Variants in PLXNB2 observed in about 807,000 individuals in gnomAD.
PLXNB2 encodes plexin B2, also known as plexin-B2.
PLXNB2 carries 85 observed loss-of-function variants against 202.6 expected under a neutral mutation model. That is an observed-to-expected ratio of 0.42 (90% CI 0.35 to 0.50). The LOEUF is 0.50. Ranked by LOEUF, PLXNB2 falls within the 20% of genes least tolerant of loss-of-function variation. The pLI is 0.02. For synonymous variants in PLXNB2, 1,239 were observed against 1,137.6 expected (o/e 1.09, Z -1.79); for missense variants, 2,063 against 2,586.2 (o/e 0.80, Z 4.39).
At position 50,278,892 on chromosome 22, in the gene PLXNB2, G is replaced by A. The variant is rs766427094; in HGVS notation, c.4509C>T (p.Pro1503=). The change falls in exon 28 of 37, where the codon CCC becomes CCT. Residue 1503 remains proline, a synonymous_variant. Transcript: ENST00000359337. ...TGTCTGGCCTGGGCCAGCAGGAGCAGGGCTGCCCACGGTACACCTGGTCAA... is the reference window on the plus strand; with the variant it reads ...TGTCTGGCCTGGGCCAGCAGGAGCAAGGCTGCCCACGGTACACCTGGTCAA... ...KIIDQVYRGQ[P]CSCWPRPDSV... The A allele has an allele frequency of 9.3e-6, 15 of 1,613,278 alleles. No individual in the cohort carries two copies. The South Asian group carries it at 1.6e-4, about 18-fold the overall frequency.
chr22:50,279,824 TG>T, intron 26 of PLXNB2, 48 bp from the exon 27 acceptor site: 1 of 1,604,806 alleles, frequency 6.2e-7, no homozygotes, highest in Non-Finnish European at 8.5e-7. Flanking sequence ...ACTTGGGGCC[TG>T]GAAGGGGCCC....
Position 50,281,120 on chromosome 22 carries a change from G to A in PLXNB2, c.3732C>T (p.Ser1244=), listed in dbSNP as rs371442106. 4.9e-5 allele frequency: 79 copies of A among 1,613,186 alleles called. No homozygotes were observed. The highest frequency in any genetic ancestry group is 3.8e-4 in the South Asian group (35 of 91,080). The change falls in exon 23 of 37, where the codon AGC becomes AGT. Residue 1244 remains serine (S), a synonymous_variant. Coordinates refer to ENST00000359337, the MANE Select transcript of PLXNB2 (RefSeq NM_012401.4). ...ATTCCTTCTTGCAGCGGTCCCGCACGCTCTCCTCCAGGCCCTCCAGCTGGG... is the reference window on the plus strand; with the variant it reads ...ATTCCTTCTTGCAGCGGTCCCGCACACTCTCCTCCAGGCCCTCCAGCTGGG... ...IKSQLEGLEE[S]VRDRCKKEFT... is the part of the protein sequence containing the mutation.
chr22:50,283,204 G>A lies in PLXNB2; in HGVS notation c.2680-18C>T. ...TTGGGCTGCTGAAAGAGCCGCAGGGGCACTCGGGTGAGGACGGGGCACAGG... is the reference window on the plus strand; with the variant it reads ...TTGGGCTGCTGAAAGAGCCGCAGGGACACTCGGGTGAGGACGGGGCACAGG... On this transcript the variant is annotated intron_variant, in intron 16 of 36. Transcript: ENST00000359337. 4 of 1,599,350 alleles carry A rather than the reference G, an allele frequency of 2.5e-6. No homozygotes were observed. The highest frequency in any genetic ancestry group is 3.4e-6 in the Non-Finnish European group (4 of 1,173,768).
intron 1 of PLXNB2, among the ~76,000 whole-genome samples, chr22:50,306,668 C>T (rs1452527270): frequency 6.6e-6 from 1 of 151,760 alleles, no homozygotes; most frequent in Non-Finnish European, 1.5e-5. Flanking sequence ...CCGGGATCTG[C>T]CGGGTTTGGG....
At position 50,281,394 on chromosome 22, in the gene PLXNB2, C is replaced by T; in HGVS notation, c.3628G>A (p.Val1210Met). The change falls in exon 22 of 37, where the codon GTG (valine) becomes ATG (methionine). Residue 1210 changes from valine (V) to methionine (M), a missense_variant. By Grantham distance (21) the Val-to-Met change is conservative (BLOSUM62 1). This residue lies in a region of PLXNB2 where 760 missense variants were observed against 1,109.4 expected (regional missense o/e 0.69). Transcript: ENST00000359337. Reference sequence around the variant, plus strand: ...TAGACAGACACCGCGATGACGACCACCATGGGCACGATGACCAGCGGCAAG... The same window carrying T: ...TAGACAGACACCGCGATGACGACCATCATGGGCACGATGACCAGCGGCAAG... ...LILPLVIVPM[V>M]VVIAVSVYCY... 6.2e-7 allele frequency: 1 copy of T among 1,612,408 alleles called. No individual in the cohort carries two copies. Among genetic ancestry groups the T allele is most frequent in the Non-Finnish European group, 8.5e-7 (1 of 1,179,788 alleles).
rs2066266116 is a variant in PLXNB2, at chr22:50,284,414, G to C, written c.2181+159C>G. Among the ~76,000 whole-genome samples, 1 of 152,088 alleles carries C rather than the reference G, an allele frequency of 6.6e-6. No individual in the cohort carries two copies. The highest frequency in any genetic ancestry group is 2.1e-4 in the South Asian group (1 of 4,828). Reference sequence around the variant, plus strand: ...GTCCCCAGGGAGGCAGAGGGCAGAGGGGGCTTCCCCAGCAGCACAGGGCAT... The same window carrying C: ...GTCCCCAGGGAGGCAGAGGGCAGAGCGGGCTTCCCCAGCAGCACAGGGCAT... On this transcript the variant is annotated intron_variant, in intron 12 of 36. Transcript: ENST00000359337. This position sits in a 1 kb window ranked among gnomAD's most constrained non-coding sequence, Gnocchi z 8.0.
chr22:50,287,270 G>A lies in PLXNB2; in HGVS notation c.1609-6C>T. ...GGGCTGACGGTCAGCTGCACCTGAG[G>A]GAGGGGCCGTGCCGCTCACACTGGG... On this transcript the variant is annotated splice_region_variant and splice_polypyrimidine_tract_variant and intron_variant, in intron 7 of 36. Transcript: ENST00000359337. The A allele has an allele frequency of 6.7e-7, 1 of 1,498,254 alleles. No homozygotes were observed. The highest frequency in any genetic ancestry group is 8.9e-7 in the Non-Finnish European group (1 of 1,118,804). The allele number at this position is 1,498,254 out of a possible 1,614,324, so 92.8% of individuals were successfully genotyped here.
chr22:50,287,972 C>T lies in PLXNB2; in HGVS notation c.1446G>A (p.Gln482=). Reference sequence around the variant, plus strand: ...CGACGCACCAGCCGCAGTAGGGGTCCTGGGAGTCGCGGCACTGGGTGCAGG... The same window carrying T: ...CGACGCACCAGCCGCAGTAGGGGTCTTGGGAGTCGCGGCACTGGGTGCAGG... The part of the protein sequence containing the change: ...YPTCTQCRDS[Q]DPYCGWCVVE... The change falls in exon 6 of 37, where the codon CAG becomes CAA. Residue 482 remains glutamine (Q), a synonymous_variant. Coordinates refer to ENST00000359337, the MANE Select transcript of PLXNB2 (RefSeq NM_012401.4). The T allele has an allele frequency of 6.3e-7, 1 of 1,585,636 alleles. No individual in the cohort carries two copies.
intron 2 of PLXNB2, among the ~76,000 whole-genome samples, chr22:50,290,997 G>C (rs2147546367): frequency 6.6e-6 from 1 of 152,256 alleles, no homozygotes; most frequent in East Asian, 1.9e-4. Flanking sequence ...GGACGCACCG[G>C]CCCCAGCGCA....
Position 50,278,029 on chromosome 22 carries a change from T to A in PLXNB2, c.4888-16A>T, listed in dbSNP as rs1404280714. The A allele has an allele frequency of 6.9e-7, 1 of 1,443,668 alleles. No individual in the cohort carries two copies. The highest frequency in any genetic ancestry group is 1.5e-5 in the African/African-American group (1 of 68,656). 89.4% of individuals were successfully genotyped at this position (1,443,668 alleles called of 1,614,324 possible). On this transcript the variant is annotated splice_polypyrimidine_tract_variant and intron_variant, in intron 31 of 36. Coordinates refer to ENST00000359337, the MANE Select transcript of PLXNB2 (RefSeq NM_012401.4). ...GCAGTGTGCCCTGTGGGGGGGAGGG[T>A]CTCAGCGTGACGCCGTGGGCGCGGC...
rs779922453 is a variant in PLXNB2, at chr22:50,277,584, C to A, written c.5196+7G>T. ...CCCTGCCCCAGACCTGCCCCCACCCCACTCACGCGGCTCAGCTTATGCTCC... is the reference window on the plus strand; with the variant it reads ...CCCTGCCCCAGACCTGCCCCCACCCAACTCACGCGGCTCAGCTTATGCTCC... On this transcript the variant is annotated splice_region_variant and intron_variant, in intron 33 of 36. Transcript: ENST00000359337. 5.8e-6 allele frequency: 9 copies of A among 1,558,952 alleles called. No homozygotes were observed. Among genetic ancestry groups the A allele is most frequent in the African/African-American group, 4.1e-5 (3 of 73,454 alleles).
At position 50,294,790 on chromosome 22, in the gene PLXNB2, A is replaced by C. The variant is rs1050159286; in HGVS notation, c.-73-12T>G. 2 of 985,018 alleles carry C rather than the reference A, an allele frequency of 2.0e-6. No homozygotes were observed. The highest frequency in any genetic ancestry group is 5.2e-4 in the Middle Eastern group (1 of 1,924). 61.0% of individuals were successfully genotyped at this position (985,018 alleles called of 1,614,324 possible). A position where few individuals can be genotyped will look rare whatever the true frequency, so the allele number is the denominator to read the frequency against. On this transcript the variant is annotated splice_polypyrimidine_tract_variant and intron_variant, in intron 1 of 36. Coordinates refer to ENST00000359337, the MANE Select transcript of PLXNB2 (RefSeq NM_012401.4). ...AGCATCGAGATTCTCTAGGAGGCAA[A>C]GGAGAGACGCCGGTCACAAGAGGAG...
intron 7 of PLXNB2, 111 bp downstream of exon 7, chr22:50,287,556 C>T (rs886491201): frequency 8.8e-6 from 10 of 1,131,112 alleles, no homozygotes; most frequent in South Asian, 3.1e-5. Context: ...AGAGCCCAGG[C>T]GGGGGAGATG....
Position 50,289,122 on chromosome 22 carries a change from T to A in PLXNB2, c.1089A>T (p.Pro363=). ...GHAPGSSKSF[P]CGSEHLPYPL... ...GGTAGGGCAGGTGCTCCGAGCCACA[T>A]GGGAAGCTCTTGCTGGAGCCCTGCG... Residue 363 remains proline, a synonymous_variant, in exon 4 of 37, where the codon CCA becomes CCT. Transcript: ENST00000359337. This position sits in a 1 kb window ranked among gnomAD's most constrained non-coding sequence, Gnocchi z 8.0. The A allele has an allele frequency of 6.3e-7, 1 of 1,580,492 alleles. No individual in the cohort carries two copies. Among genetic ancestry groups the A allele is most frequent in the Admixed American group, 1.7e-5 (1 of 58,686 alleles).
rs2066134145 is a variant in PLXNB2 at position 50,283,043 on chromosome 22, C to T, written c.2816+7G>A. Reference sequence around the variant, plus strand: ...AACCAGACTCAGCAGCTGGCGGTGACACCCACACTTTACACGGGACGCCGT... The same window carrying T: ...AACCAGACTCAGCAGCTGGCGGTGATACCCACACTTTACACGGGACGCCGT... On this transcript the variant is annotated splice_region_variant and intron_variant, in intron 17 of 36. Transcript: ENST00000359337. 8 of 1,605,548 alleles carry T rather than the reference C, an allele frequency of 5.0e-6. No homozygotes were observed. Among genetic ancestry groups the T allele is most frequent in the African/African-American group, 1.3e-5 (1 of 74,796 alleles).
Position 50,275,817 on chromosome 22 carries a change from G to A in PLXNB2, c.5413-9C>T, listed in dbSNP as rs1185815114. 20 of 1,609,194 alleles carry A rather than the reference G, an allele frequency of 1.2e-5. No individual in the cohort carries two copies. Among genetic ancestry groups the A allele is most frequent in the Non-Finnish European group, 1.7e-5 (20 of 1,177,012 alleles). On this transcript the variant is annotated splice_polypyrimidine_tract_variant and intron_variant, in intron 36 of 36. Coordinates refer to ENST00000359337, the MANE Select transcript of PLXNB2 (RefSeq NM_012401.4). The stretch of plus-strand genomic sequence containing the variant: ...TCCAAGGCATTGATGATCTGAGGGA[G>A]GGTCGCATCAGAGCACACCGGGGGA...
Position 50,289,608 on chromosome 22 carries a change from T to C in PLXNB2, c.977A>G (p.Asn326Ser). Residue 326 changes from asparagine (N) to serine (S), a missense_variant, in exon 3 of 37, where the codon AAC becomes AGC. Coordinates refer to ENST00000359337, the MANE Select transcript of PLXNB2 (RefSeq NM_012401.4). The surrounding 1 kb of genome is among the most constrained non-coding windows in gnomAD (Gnocchi z 8.0). ...GGTGCCTGTGTAACAGGCGTTGCGG[T>C]TGGCCTCCATCTTGGCGTGCACCTT... ...LDKVHAKMEA[N>S]RNACYTGTRE... is the part of the protein sequence containing the mutation. 1 of 1,610,476 alleles carries C rather than the reference T, an allele frequency of 6.2e-7. No homozygotes were observed. Among genetic ancestry groups the C allele is most frequent in the Non-Finnish European group, 8.5e-7 (1 of 1,179,818 alleles).
At chr22:50,279,065 C>G in intron 27 of PLXNB2, 54 bp from the exon 28 acceptor site, 2 of 1,509,418 alleles carry the variant, frequency 1.3e-6, no homozygotes, top group Non-Finnish European at 1.8e-6. Flanking sequence ...TTACCTGCAC[C>G]ATGCAGGAGC....
intron 15 of PLXNB2, 59 bp from the exon 16 acceptor site, chr22:50,283,504 C>A: frequency 1.3e-6 from 2 of 1,528,652 alleles, no homozygotes; most frequent in Non-Finnish European, 8.9e-7. Flanking sequence ...CACCCTGACA[C>A]CCTCACCCCC....
Sources: allele counts gnomAD v4.1 joint callset (sites outside exome capture counted in the v4.1 genomes callset), GRCh38; gene constraint gnomAD v4.1.1; regional missense constraint gnomAD v4.1.1; non-coding constraint Gnocchi (gnomAD v3.1); transcripts MANE v1.5; gene names NCBI Gene and HGNC (gene_info 2026-07-23, HGNC 2026-07-21).